The following LUZP2 variants were observed in gnomAD, a reference collection of about 807,000 sequenced individuals.
The protein encoded by LUZP2 is leucine zipper protein 2.
In LUZP2, 52 loss-of-function variants were observed where a neutral mutation model predicts 51.6. The ratio of observed to expected loss-of-function variants is 1.01; its 90% CI spans 0.81 to 1.27. LUZP2 has a LOEUF of 1.27. Among genes scored for constraint, LUZP2 ranks in the 50% most tolerant of loss-of-function variants. The pLI is 0.00. For missense variants in LUZP2, 436 were observed against 395.4 expected, an observed-to-expected ratio of 1.10 and a Z score of -0.87; for synonymous variants, 154 against 137.3, an observed-to-expected ratio of 1.12 and a Z score of -0.85.
intron 4 of LUZP2, among the ~76,000 whole-genome samples, chr11:24,758,855 A>G (rs1859870694): frequency 6.6e-6 from 1 of 152,086 alleles, no homozygotes. Context: ...GCTATGAAAC[A>G]TTGATTTATT....
chr11:24,881,381 A>G (rs547568546), intron 5 of LUZP2, among the ~76,000 whole-genome samples: 1 of 152,028 alleles, frequency 6.6e-6, no homozygotes, highest in South Asian at 2.1e-4. Flanking sequence ...AATGAAATAG[A>G]GATAAAGTTA....
At chr11:24,514,538 T>A (rs1408234937) in intron 1 of LUZP2, among the ~76,000 whole-genome samples, 1 of 152,184 alleles carries the variant, frequency 6.6e-6, no homozygotes, top group East Asian at 1.9e-4. Context: ...CAAGCCCACT[T>A]GTCAATGGAA....
At chr11:24,930,712 C>A (rs775805841) in intron 7 of LUZP2, among the ~76,000 whole-genome samples, 3 of 152,090 alleles carry the variant, frequency 2.0e-5, no homozygotes, top group Non-Finnish European at 2.9e-5. Context: ...AGGTGATAAT[C>A]TTTTTGCAAT....
At chr11:24,741,943 A>G (rs1859175360) in intron 4 of LUZP2, among the ~76,000 whole-genome samples, 1 of 132,288 alleles carries the variant, frequency 7.6e-6, no homozygotes, top group Non-Finnish European at 1.6e-5. Context: ...ATATAAATAT[A>G]TACATTTATA....
chr11:24,953,571 G>A (rs1001406083), intron 7 of LUZP2, among the ~76,000 whole-genome samples: 9 of 151,928 alleles, frequency 5.9e-5, no homozygotes, highest in Admixed American at 5.9e-4. Context: ...GCTCCTAAAG[G>A]AACACTTCTT....
intron 5 of LUZP2, among the ~76,000 whole-genome samples, chr11:24,890,699 A>G (rs1008518105): frequency 1.3e-5 from 2 of 152,100 alleles, no homozygotes; most frequent in African/African-American, 4.8e-5. Flanking sequence ...CACAATCTGG[A>G]TTTATTCATC....
chr11:25,036,837 A>AT (rs973569506), intron 9 of LUZP2, among the ~76,000 whole-genome samples: 1 of 151,980 alleles, frequency 6.6e-6, no homozygotes, highest in Non-Finnish European at 1.5e-5. Context: ...GTATAATTTC[A>AT]TTTTTAAAAA....
intron 9 of LUZP2, among the ~76,000 whole-genome samples, chr11:25,039,595 G>A (rs1400238276): frequency 6.6e-6 from 1 of 152,152 alleles, no homozygotes; most frequent in African/African-American, 2.4e-5. Flanking sequence ...CATGTGTGCT[G>A]CAGCTCCATC....
intron 9 of LUZP2, among the ~76,000 whole-genome samples, chr11:25,027,409 T>C (rs1285352056): frequency 6.6e-6 from 1 of 152,164 alleles, no homozygotes; most frequent in African/African-American, 2.4e-5. Context: ...TTATGTTAGT[T>C]AAAAATTAAG....
intron 5 of LUZP2, among the ~76,000 whole-genome samples, chr11:24,785,508 A>T (rs1849219054): frequency 6.6e-6 from 1 of 151,932 alleles, no homozygotes; most frequent in Non-Finnish European, 1.5e-5. Flanking sequence ...ATTGATACTT[A>T]CTTGGGAATA....
chr11:24,743,397 C>G (rs576485573), intron 4 of LUZP2, among the ~76,000 whole-genome samples: 21 of 151,956 alleles, frequency 1.4e-4, no homozygotes, highest in African/African-American at 4.6e-4. Context: ...CTTGTAGAAG[C>G]CTTTTGCCTC....
chr11:24,632,040 T>C lies in LUZP2; in HGVS notation c.63-97129T>C, dbSNP rs142671859. 4.7e-3 allele frequency among the ~76,000 whole-genome samples: 720 copies of C among 152,144 alleles called. 7 individuals are homozygous for C. Among genetic ancestry groups the C allele is most frequent in the African/African-American group, 0.016 (678 of 41,564 alleles). ...ATGGATAGGCTTTTGCTTTTTACTA[T>C]GGAAGTGGGGCATTTATAGGTATTT... is the stretch of plus-strand genomic sequence containing the variant. On this transcript the variant is annotated intron_variant, in intron 1 of 11. Coordinates refer to ENST00000336930, the MANE Select transcript of LUZP2 (RefSeq NM_001009909.4).
rs576774753 is a variant in LUZP2, at chr11:24,787,728, G to A, written c.396+24420G>A. The stretch of plus-strand genomic sequence containing the variant: ...TGTGGTATATTAAATACCAACAGAA[G>A]CATCAGGTTTATATATAATAGTTGT... On this transcript the variant is annotated intron_variant, in intron 5 of 11. Coordinates refer to ENST00000336930, the MANE Select transcript of LUZP2 (RefSeq NM_001009909.4). 1.4e-4 allele frequency among the ~76,000 whole-genome samples: 22 copies of A among 152,222 alleles called. No individual in the cohort carries two copies. In the South Asian group the frequency reaches 4.6e-3, roughly 32 times the overall value.
chr11:24,602,173 T>C (rs1481419979), intron 1 of LUZP2, among the ~76,000 whole-genome samples: 3 of 130,124 alleles, frequency 2.3e-5, no homozygotes, highest in Non-Finnish European at 4.8e-5. Flanking sequence ...TATGTGTATA[T>C]ATATGTGTAT....
chr11:24,761,493 G>C (rs1859977816), intron 4 of LUZP2, among the ~76,000 whole-genome samples: 2 of 152,132 alleles, frequency 1.3e-5, no homozygotes, highest in South Asian at 4.1e-4. Context: ...ACATCATCCA[G>C]TAACTGGGAA....
chr11:25,046,305 T>C (rs1174939072), intron 9 of LUZP2, among the ~76,000 whole-genome samples: 1 of 151,988 alleles, frequency 6.6e-6, no homozygotes, highest in Non-Finnish European at 1.5e-5. Flanking sequence ...TGGGAGCTCT[T>C]TGAGATACAG....
chr11:24,772,520 G>C (rs188070041), intron 5 of LUZP2, among the ~76,000 whole-genome samples: 8 of 152,166 alleles, frequency 5.3e-5, no homozygotes, highest in African/African-American at 1.4e-4. Flanking sequence ...TTTATTGCTG[G>C]TTATTTGCCT....
chr11:24,770,641 G>A (rs1000154470), intron 5 of LUZP2, among the ~76,000 whole-genome samples: 7 of 152,034 alleles, frequency 4.6e-5, no homozygotes, highest in Non-Finnish European at 8.8e-5. Flanking sequence ...GGCCAATATC[G>A]GATTCCCAAG....
intron 5 of LUZP2, among the ~76,000 whole-genome samples, chr11:24,815,696 C>T (rs1850159524): frequency 6.6e-6 from 1 of 152,120 alleles, no homozygotes; most frequent in African/African-American, 2.4e-5. Flanking sequence ...CTCCACTTTG[C>T]TCAGAGAATC....
Sources: gnomAD v4.1 joint callset for allele counts (sites outside exome capture counted in the v4.1 genomes callset) on GRCh38, gnomAD v4.1.1 for gene constraint, MANE v1.5 for transcripts, NCBI Gene and HGNC (gene_info 2026-07-23, HGNC 2026-07-21) for gene names.